Variants in RBM47 observed in about 807,000 individuals in gnomAD.
RBM47 encodes RNA-binding protein 47.
A neutral mutation model predicts 47.1 loss-of-function variants in RBM47; 21 were observed. That is an observed-to-expected ratio of 0.45 (90% CI 0.32 to 0.64). RBM47 has a LOEUF of 0.64. Ranked by LOEUF, RBM47 falls within the 30% of genes least tolerant of loss-of-function variation. The pLI is 0.05. For missense variants in RBM47, 708 were observed against 870.9 expected (o/e 0.81, Z 2.35); for synonymous variants, 375 against 361.7 (o/e 1.04, Z -0.42).
At chr4:40,576,547 T>C (rs1000411601) in intron 1 of RBM47, among the ~76,000 whole-genome samples, 2 of 152,128 alleles carry the variant, frequency 1.3e-5, no homozygotes, top group Non-Finnish European at 2.9e-5. Flanking sequence ...CATACTAACA[T>C]CACAATGAGA....
intron 5 of RBM47, among the ~76,000 whole-genome samples, chr4:40,434,174 A>C (rs549451031): frequency 2.0e-4 from 30 of 152,318 alleles, no homozygotes; most frequent in African/African-American, 6.7e-4. Flanking sequence ...TTGTAAGCTA[A>C]ACAATGGTAC....
intron 2 of RBM47, among the ~76,000 whole-genome samples, chr4:40,509,882 C>CA (rs35409771): frequency 0.3 from 38,458 of 126,336 alleles, 5,621 homozygotes; most frequent in Middle Eastern, 0.43. Context: ...GACTCCGTCT[C>CA]AAAAAAAAAA....
intron 1 of RBM47, among the ~76,000 whole-genome samples, chr4:40,592,177 AGGG>A (rs1578028443): frequency 1.3e-5 from 2 of 152,176 alleles, no homozygotes; most frequent in East Asian, 3.8e-4. Context: ...AGTAGAGTAC[AGGG>A]GAATCATCCG....
chr4:40,618,409 G>A (rs1463905525), intron 1 of RBM47, among the ~76,000 whole-genome samples: 2 of 152,008 alleles, frequency 1.3e-5, no homozygotes, highest in Non-Finnish European at 2.9e-5. Context: ...GTGACAGAGT[G>A]GCACCTTGTC....
Position 40,575,552 on chromosome 4 carries a change from C to CAAAAAAAAAA in RBM47, c.-239-31056_-239-31047dup, listed in dbSNP as rs33963787. 7.1e-4 allele frequency among the ~76,000 whole-genome samples: 70 copies of CAAAAAAAAAA among 98,360 alleles called. 2 individuals carry two copies. Among genetic ancestry groups the CAAAAAAAAAA allele is most frequent in the African/African-American group, 1.4e-3 (40 of 28,752 alleles). The allele number at this position is 98,360 out of a possible 152,430, so 64.5% of individuals were successfully genotyped here. A position where few individuals can be genotyped will look rare whatever the true frequency, so the allele number is the denominator to read the frequency against. ...GGGCAACAAGAGCGAAACTCCATCT[C>CAAAAAAAAAA]AAAAAAAAAAAAAAAACTACCAAGG... On this transcript the variant is annotated intron_variant, in intron 1 of 6. Coordinates refer to ENST00000295971, the MANE Select transcript of RBM47 (RefSeq NM_001098634.2).
rs938535091 is a variant in RBM47 at position 40,501,566 on chromosome 4, C to T, written c.-154-34867G>A. ...GTCCTTGGCATGTGTGTAGTGCAAA[C>T]AAGGAATTATTTCATTTAATTTTAA... is the stretch of plus-strand genomic sequence containing the variant. On this transcript the variant is annotated intron_variant, in intron 2 of 6. Coordinates refer to ENST00000295971, the MANE Select transcript of RBM47 (RefSeq NM_001098634.2). Among the ~76,000 whole-genome samples, 9 of 152,206 alleles carry T rather than the reference C, an allele frequency of 5.9e-5. 1 individual carries two copies. Among genetic ancestry groups the T allele is most frequent in the African/African-American group, 2.2e-4 (9 of 41,456 alleles).
chr4:40,609,469 C>G (rs1465041072), intron 1 of RBM47, among the ~76,000 whole-genome samples: 2 of 151,526 alleles, frequency 1.3e-5, no homozygotes, highest in African/African-American at 2.4e-5. Context: ...CCCGCCACCA[C>G]GCCCGGCTAA....
chr4:40,459,746 C>A (rs1216146711), intron 3 of RBM47, among the ~76,000 whole-genome samples: 1 of 152,008 alleles, frequency 6.6e-6, no homozygotes, highest in African/African-American at 2.4e-5. Context: ...TTTCTTTCTT[C>A]TTTCTTTTTT....
intron 6 of RBM47, among the ~76,000 whole-genome samples, chr4:40,430,281 C>T (rs915245041): frequency 6.6e-5 from 10 of 152,046 alleles, no homozygotes; most frequent in African/African-American, 1.7e-4. Context: ...ACAGCCAGTG[C>T]GGACTGATAG....
At chr4:40,462,201 G>C (rs1368783216) in intron 3 of RBM47, among the ~76,000 whole-genome samples, 1 of 152,124 alleles carries the variant, frequency 6.6e-6, no homozygotes, top group Non-Finnish European at 1.5e-5. Flanking sequence ...TTCTCCAAGG[G>C]AAGTCTAGAC....
chr4:40,516,203 C>T (rs1446702617), intron 2 of RBM47, among the ~76,000 whole-genome samples: 3 of 151,990 alleles, frequency 2.0e-5, no homozygotes, highest in Non-Finnish European at 4.4e-5. Flanking sequence ...GCCTTGCTTC[C>T]CTGAGAGGAA....
chr4:40,545,085 T>C (rs1439391333), intron 1 of RBM47, among the ~76,000 whole-genome samples: 11 of 141,144 alleles, frequency 7.8e-5, no homozygotes, highest in Non-Finnish European at 1.5e-4. Flanking sequence ...GGAGTCTCGC[T>C]CTGTCACCCA....
At chr4:40,513,188 C>T (rs891791187) in intron 2 of RBM47, among the ~76,000 whole-genome samples, 1 of 152,134 alleles carries the variant, frequency 6.6e-6, no homozygotes, top group Non-Finnish European at 1.5e-5. Context: ...TTTCTTCCAG[C>T]CGTTTTCAAA....
At chr4:40,572,353 C>A (rs1017758357) in intron 1 of RBM47, among the ~76,000 whole-genome samples, 2 of 145,222 alleles carry the variant, frequency 1.4e-5, no homozygotes, top group African/African-American at 5.1e-5. Context: ...GGTGACAGAG[C>A]GAGACTCCAT....
Position 40,510,632 on chromosome 4 carries a change from C to CATTA in RBM47, c.-155+33786_-155+33789dup, listed in dbSNP as rs564827998. On this transcript the variant is annotated intron_variant, in intron 2 of 6. Coordinates refer to ENST00000295971, the MANE Select transcript of RBM47 (RefSeq NM_001098634.2). ...GATGAGACCCTATCCCAGAGTGAGC[C>CATTA]ATTAGTAAGTACTGACTGAATGAAT... Among the ~76,000 whole-genome samples the CATTA allele has an allele frequency of 2.9e-3, 440 of 152,144 alleles. 1 individual carries two copies. The highest frequency in any genetic ancestry group is 7.9e-3 in the South Asian group (38 of 4,798).
chr4:40,581,294 C>T (rs186171543), intron 1 of RBM47, among the ~76,000 whole-genome samples: 57 of 151,906 alleles, frequency 3.8e-4, no homozygotes, highest in African/African-American at 1.1e-3. Context: ...TGGTGACATG[C>T]GCCTGTAGTC....
chr4:40,435,614 G>A (rs760835082), intron 5 of RBM47, among the ~76,000 whole-genome samples: 1 of 152,118 alleles, frequency 6.6e-6, no homozygotes, highest in African/African-American at 2.4e-5. Context: ...ACCATGACAA[G>A]GGACAAAAGG....
intron 2 of RBM47, among the ~76,000 whole-genome samples, chr4:40,526,490 T>A (rs1343893230): frequency 2.6e-5 from 4 of 151,416 alleles, no homozygotes; most frequent in African/African-American, 9.8e-5. Context: ...ATGGGCTAGG[T>A]AAATACTATA....
intron 1 of RBM47, among the ~76,000 whole-genome samples, chr4:40,571,212 T>C (rs946739301): frequency 1.5e-4 from 22 of 150,044 alleles, no homozygotes; most frequent in African/African-American, 4.6e-4. Flanking sequence ...TGAGACTCCA[T>C]CTCAAAAGAA....
Sources: allele counts gnomAD v4.1 joint callset (sites outside exome capture counted in the v4.1 genomes callset), GRCh38; gene constraint gnomAD v4.1.1; transcripts MANE v1.5; gene names NCBI Gene and HGNC (gene_info 2026-07-23, HGNC 2026-07-21).